Variants in KCNH1 observed in about 807,000 individuals in gnomAD.
KCNH1 encodes potassium voltage-gated channel subfamily H member 1.
A neutral mutation model predicts 69.2 loss-of-function variants in KCNH1; 27 were observed. The observed-to-expected ratio is 0.39, with a 90% CI of 0.29 to 0.54. The LOEUF (loss-of-function observed/expected upper bound fraction) is 0.54. Ranked by LOEUF, KCNH1 falls within the 20% of genes least tolerant of loss-of-function variation. KCNH1 has a pLI of 0.68. For synonymous variants in KCNH1, 456 were observed against 487.7 expected (o/e 0.93, Z 0.86); for missense variants, 798 against 1,261.6 (o/e 0.63, Z 5.57).
intron 5 of KCNH1, among the ~76,000 whole-genome samples, chr1:211,081,494 T>C (rs1187650070): frequency 6.6e-6 from 1 of 152,232 alleles, no homozygotes; most frequent in Non-Finnish European, 1.5e-5. Flanking sequence ...TTATAAATCA[T>C]GCTACTATAA....
At position 210,922,585 on chromosome 1, in the gene KCNH1, C is replaced by G. The variant is rs769481297; in HGVS notation, c.1033-2516G>C. Among the ~76,000 whole-genome samples the G allele has an allele frequency of 2.0e-5, 3 of 152,258 alleles. No homozygotes were observed. In the South Asian group the frequency reaches 6.2e-4, roughly 32 times the overall value. On this transcript the variant is annotated intron_variant, in intron 6 of 10. Transcript: ENST00000271751. ...CAAACCATTTTTAACAAACCTTACT[C>G]TTGGCATGCCCAGTATTCCTCCCCT...
At chr1:210,778,529 T>TAAAAA (rs776530852) in intron 9 of KCNH1, among the ~76,000 whole-genome samples, 1 of 44,224 alleles carries the variant, frequency 2.3e-5, no homozygotes, top group Admixed American at 2.0e-4. Context: ...AGACTCTGTC[T>TAAAAA]CAAAAAAAAA....
intron 5 of KCNH1, among the ~76,000 whole-genome samples, chr1:211,076,334 G>A (rs891583118): frequency 6.6e-6 from 1 of 152,206 alleles, no homozygotes; most frequent in Non-Finnish European, 1.5e-5. Context: ...TCCCAGTAGG[G>A]TCCGACTGAC....
At chr1:210,756,360 A>T (rs1316897792) in intron 10 of KCNH1, among the ~76,000 whole-genome samples, 1 of 152,184 alleles carries the variant, frequency 6.6e-6, no homozygotes, top group Non-Finnish European at 1.5e-5. Flanking sequence ...TATAACACAA[A>T]CAAATGTCCT....
At chr1:210,723,204 G>GA (rs1484179914) in intron 10 of KCNH1, among the ~76,000 whole-genome samples, 2 of 151,326 alleles carry the variant, frequency 1.3e-5, no homozygotes, top group Non-Finnish European at 3.0e-5. Flanking sequence ...TTCCTGAAAA[G>GA]AAAAAAAATG....
intron 5 of KCNH1, among the ~76,000 whole-genome samples, chr1:211,027,887 T>C (rs1689712916): frequency 1.3e-5 from 2 of 151,970 alleles, no homozygotes; most frequent in Non-Finnish European, 2.9e-5. Flanking sequence ...CAACAACTGA[T>C]AGAGCAACTA....
intron 6 of KCNH1, among the ~76,000 whole-genome samples, chr1:211,015,049 C>T (rs1226921745): frequency 2.6e-5 from 4 of 151,972 alleles, no homozygotes; most frequent in Non-Finnish European, 5.9e-5. Context: ...TTAATGGTGT[C>T]ATTTCACTAA....
At chr1:210,852,106 G>A (rs1225617828) in intron 7 of KCNH1, among the ~76,000 whole-genome samples, 1 of 152,248 alleles carries the variant, frequency 6.6e-6, no homozygotes, top group East Asian at 1.9e-4. Context: ...AAAGCATGAT[G>A]GAGAATGAGG....
At chr1:211,098,471 T>G (rs1200779098) in intron 3 of KCNH1, among the ~76,000 whole-genome samples, 1 of 152,162 alleles carries the variant, frequency 6.6e-6, no homozygotes, top group Non-Finnish European at 1.5e-5. Flanking sequence ...CTTCAACATA[T>G]GTAATGGTAT....
chr1:211,123,525 C>A (rs149203882), intron 1 of KCNH1, among the ~76,000 whole-genome samples: 1 of 152,012 alleles, frequency 6.6e-6, no homozygotes, highest in South Asian at 2.1e-4. Context: ...AGCAAAGAGA[C>A]ATGGACAGTG....
chr1:210,832,446 T>A lies in KCNH1; in HGVS notation c.1463-28280A>T, dbSNP rs151145257. Among the ~76,000 whole-genome samples, 559 of 152,334 alleles carry A rather than the reference T, an allele frequency of 3.7e-3. 5 individuals are homozygous for A. Among genetic ancestry groups the A allele is most frequent in the African/African-American group, 0.012 (507 of 41,590 alleles). On this transcript the variant is annotated intron_variant, in intron 7 of 10. Transcript: ENST00000271751. ...AGATCTACTTTTTAAAACTGCTCTG[T>A]TCTGATTTGTTTTGTTGGCTTTGAG... is the stretch of plus-strand genomic sequence containing the variant.
intron 5 of KCNH1, among the ~76,000 whole-genome samples, chr1:211,076,841 G>A (rs568113033): frequency 1.5e-4 from 23 of 152,302 alleles, no homozygotes; most frequent in Admixed American, 3.3e-4. Flanking sequence ...CGAACCCATC[G>A]CAAGGAAGCT....
intron 7 of KCNH1, among the ~76,000 whole-genome samples, chr1:210,846,788 C>A (rs1051560648): frequency 2.6e-4 from 40 of 151,598 alleles, no homozygotes; most frequent in African/African-American, 9.4e-4. Context: ...TCAGAGTGAA[C>A]AGGCAACCTA....
intron 6 of KCNH1, among the ~76,000 whole-genome samples, chr1:210,979,537 C>A (rs1184672323): frequency 1.3e-5 from 2 of 152,118 alleles, no homozygotes; most frequent in Non-Finnish European, 2.9e-5. Flanking sequence ...AGTGAATTTT[C>A]CATTCTCCTG....
chr1:210,734,000 G>A (rs930810719), intron 10 of KCNH1, among the ~76,000 whole-genome samples: 4 of 150,224 alleles, frequency 2.7e-5, no homozygotes, highest in Non-Finnish European at 5.9e-5. Context: ...GCCCTCAGAA[G>A]TCACACTCAG....
intron 6 of KCNH1, among the ~76,000 whole-genome samples, chr1:210,940,535 C>G (rs12133981): frequency 0.057 from 8,749 of 152,192 alleles, 398 homozygotes; most frequent in East Asian, 0.25. Flanking sequence ...CAATAATGTA[C>G]CCAAAAGGCA....
chr1:210,936,135 T>C (rs957457759), intron 6 of KCNH1, among the ~76,000 whole-genome samples: 3 of 152,264 alleles, frequency 2.0e-5, no homozygotes, highest in Non-Finnish European at 4.4e-5. Context: ...CTTCCAGGTC[T>C]GTATGGAGAC....
At chr1:210,859,043 G>A in intron 7 of KCNH1, 1 of 603,712 alleles carries the variant, frequency 1.7e-6, no homozygotes, top group Non-Finnish European at 2.9e-6. Context: ...GGTTGTTGTT[G>A]TTGTGATTTT....
intron 10 of KCNH1, among the ~76,000 whole-genome samples, chr1:210,704,031 G>A (rs931176119): frequency 6.6e-6 from 1 of 152,138 alleles, no homozygotes; most frequent in East Asian, 1.9e-4. Flanking sequence ...TGTCACCAGT[G>A]CCCAGCTGTT....
Sources: gnomAD v4.1 joint callset for allele counts (sites outside exome capture counted in the v4.1 genomes callset) on GRCh38, gnomAD v4.1.1 for gene constraint, MANE v1.5 for transcripts, NCBI Gene and HGNC (gene_info 2026-07-23, HGNC 2026-07-21) for gene names.